RUSC2: variants seen among roughly 807,000 people sequenced by gnomAD.
RUSC2 encodes RUN and SH3 domain containing 2.
A neutral mutation model predicts 122.2 loss-of-function variants in RUSC2; 34 were observed. The ratio of observed to expected loss-of-function variants is 0.28; its 90% confidence interval spans 0.21 to 0.37. The LOEUF (loss-of-function observed/expected upper bound fraction) is 0.37, where lower values mean the gene tolerates loss of function less well. RUSC2 is among the 10% of genes least tolerant of loss of function. The pLI is 1.00. For missense variants in RUSC2, 1,747 were observed against 1,952.4 expected, an observed-to-expected ratio of 0.89 and a Z score of 1.98; for synonymous variants, 784 against 790.0, an observed-to-expected ratio of 0.99 and a Z score of 0.13.
intron 1 of RUSC2, among the ~76,000 whole-genome samples, chr9:35,523,977 A>G (rs1478973886): frequency 6.6e-6 from 1 of 152,074 alleles, no homozygotes; most frequent in Non-Finnish European, 1.5e-5. Flanking sequence ...GAAAAGGGAA[A>G]TCTTTATTAT....
intron 1 of RUSC2, among the ~76,000 whole-genome samples, chr9:35,498,883 A>C (rs1010299325): frequency 7.9e-5 from 12 of 152,004 alleles, no homozygotes; most frequent in African/African-American, 2.9e-4. Context: ...AAATGGCAAA[A>C]GTGAACCATT....
chr9:35,555,849 C>T lies in RUSC2; in HGVS notation c.2657-103C>T. Reference sequence around the variant, plus strand: ...CCTCAGCATCTGTAGATAATATCCACAGATAATCTAGTGTTTCATATGGGC... The same window carrying T: ...CCTCAGCATCTGTAGATAATATCCATAGATAATCTAGTGTTTCATATGGGC... On this transcript the variant is annotated intron_variant, in intron 3 of 11. Transcript: ENST00000361226. The surrounding 1 kb of genome is among the most constrained non-coding windows in gnomAD (Gnocchi z 4.6). The T allele has an allele frequency of 6.8e-7, 1 of 1,480,928 alleles. No homozygotes were observed. Among genetic ancestry groups the T allele is most frequent in the African/African-American group, 1.4e-5 (1 of 71,260 alleles). 91.7% of individuals were successfully genotyped at this position (1,480,928 alleles called of 1,614,324 possible).
Position 35,560,854 on chromosome 9 carries a change from G to T in RUSC2, c.4211+3G>T. On this transcript the variant is annotated splice_donor_region_variant and intron_variant, in intron 10 of 11. Coordinates refer to ENST00000361226, the MANE Select transcript of RUSC2 (RefSeq NM_014806.5). ...CGGGAGGCCCGGCCCACAAATAGGTGAGAGCCTGCCCATGGTAGGGATGGA... is the reference window on the plus strand; with the variant it reads ...CGGGAGGCCCGGCCCACAAATAGGTTAGAGCCTGCCCATGGTAGGGATGGA... 6.5e-7 allele frequency: 1 copy of T among 1,545,098 alleles called. No homozygotes were observed. The highest frequency in any genetic ancestry group is 8.7e-7 in the Non-Finnish European group (1 of 1,147,956).
At chr9:35,523,733 T>C (rs1821265466) in intron 1 of RUSC2, among the ~76,000 whole-genome samples, 1 of 151,854 alleles carries the variant, frequency 6.6e-6, no homozygotes, top group Admixed American at 6.6e-5. Context: ...AAGGATGGCT[T>C]GAGTCCAGGA....
Position 35,546,390 on chromosome 9 carries a change from G to T in RUSC2, c.-92-40G>T. 5.4e-6 allele frequency: 3 copies of T among 556,608 alleles called. No individual in the cohort carries two copies. The highest frequency in any genetic ancestry group is 8.4e-6 in the Non-Finnish European group (3 of 358,964). 34.5% of individuals were successfully genotyped at this position (556,608 alleles called of 1,614,324 possible). Reference sequence around the variant, plus strand: ...GAAGGGCATGCCCCTGACTTCCAGGGAGGTGACATTAGGTTCCCTTTCTTT... The same window carrying T: ...GAAGGGCATGCCCCTGACTTCCAGGTAGGTGACATTAGGTTCCCTTTCTTT... On this transcript the variant is annotated intron_variant, in intron 1 of 11. Coordinates refer to ENST00000361226, the MANE Select transcript of RUSC2 (RefSeq NM_014806.5). The surrounding 1 kb of genome is among the most constrained non-coding windows in gnomAD (Gnocchi z 4.3).
At chr9:35,495,716 G>C (rs1226398300) in intron 1 of RUSC2, among the ~76,000 whole-genome samples, 1 of 152,056 alleles carries the variant, frequency 6.6e-6, no homozygotes, top group Non-Finnish European at 1.5e-5. Context: ...AACATTGTTG[G>C]GATTTTGATA....
chr9:35,493,344 A>G (rs1029937118), intron 1 of RUSC2, among the ~76,000 whole-genome samples: 2 of 152,124 alleles, frequency 1.3e-5, no homozygotes, highest in Admixed American at 6.6e-5. Flanking sequence ...ATAGTATTCC[A>G]TGGTGTATAT....
rs759817377 is a variant in RUSC2 at position 35,560,715 on chromosome 9, A to C, written c.4075A>C (p.Ser1359Arg). 1 of 1,551,940 alleles carries C rather than the reference A, an allele frequency of 6.4e-7. No homozygotes were observed. The highest frequency in any genetic ancestry group is 1.2e-5 in the South Asian group (1 of 83,550). ...CTCTGTGCTGGCCGAGCTGAGGCGC[A>C]GTCGGGAGAGGGAAGGGCCCGCTGC... The part of the protein sequence containing the change: ...PDSVLAELRR[S>R]REREGPAASP... The change falls in exon 10 of 12, where the codon AGT becomes CGT. Residue 1359 changes from serine (S) to arginine (R), a missense_variant. Coordinates refer to ENST00000361226, the MANE Select transcript of RUSC2 (RefSeq NM_014806.5).
chr9:35,496,388 T>C (rs752487432), intron 1 of RUSC2, among the ~76,000 whole-genome samples: 15 of 152,274 alleles, frequency 9.9e-5, no homozygotes, highest in South Asian at 6.2e-4. Context: ...AAATCTTCTT[T>C]TGTTTCTACA....
intron 1 of RUSC2, among the ~76,000 whole-genome samples, chr9:35,491,097 T>TAA (rs11308191): frequency 1.1e-4 from 16 of 142,558 alleles, no homozygotes; most frequent in Admixed American, 4.2e-4. Context: ...ACACAGGCCT[T>TAA]AAAAAAAAAA....
intron 1 of RUSC2, among the ~76,000 whole-genome samples, chr9:35,543,462 G>A (rs1472037030): frequency 6.6e-6 from 1 of 151,960 alleles, no homozygotes; most frequent in Non-Finnish European, 1.5e-5. Context: ...CATAAAATGG[G>A]TATTTATTAC....
intron 1 of RUSC2, among the ~76,000 whole-genome samples, chr9:35,508,908 A>G (rs1015723089): frequency 6.6e-6 from 1 of 152,232 alleles, no homozygotes; most frequent in Non-Finnish European, 1.5e-5. Flanking sequence ...CTACAAATTG[A>G]AAGAGTCCAC....
chr9:35,531,344 A>T (rs537109937), intron 1 of RUSC2, among the ~76,000 whole-genome samples: 11 of 152,324 alleles, frequency 7.2e-5, no homozygotes, highest in Non-Finnish European at 1.3e-4. Flanking sequence ...TGCTGAAGGA[A>T]GTTGAGGAGA....
intron 1 of RUSC2, among the ~76,000 whole-genome samples, chr9:35,494,546 A>G (rs1439333716): frequency 6.6e-6 from 1 of 152,124 alleles, no homozygotes; most frequent in Non-Finnish European, 1.5e-5. Context: ...TAATGAAAAG[A>G]TATCGAGCAT....
chr9:35,550,853 G>T (rs1394865288), intron 2 of RUSC2, among the ~76,000 whole-genome samples: 1 of 151,472 alleles, frequency 6.6e-6, no homozygotes, highest in Non-Finnish European at 1.5e-5. Context: ...AGGTGCGCGG[G>T]TCACCTGAGG....
chr9:35,496,380 A>G (rs1225186606), intron 1 of RUSC2, among the ~76,000 whole-genome samples: 2 of 152,154 alleles, frequency 1.3e-5, no homozygotes, highest in Non-Finnish European at 2.9e-5. Context: ...GGTGCATTAA[A>G]TCTTCTTTTG....
At chr9:35,518,080 G>A (rs777493939) in intron 1 of RUSC2, among the ~76,000 whole-genome samples, 4 of 152,330 alleles carry the variant, frequency 2.6e-5, no homozygotes, top group Non-Finnish European at 5.9e-5. Context: ...ATGGAGCTAA[G>A]ATCAAACTCC....
intron 2 of RUSC2, chr9:35,549,266 A>AACAC: frequency 1.1e-6 from 1 of 947,060 alleles, no homozygotes; most frequent in Non-Finnish European, 1.3e-6. Context: ...TAACAACAAC[A>AACAC]ACACACACAC....
chr9:35,538,416 C>G lies in RUSC2; in HGVS notation c.-92-8014C>G, dbSNP rs116478759. On this transcript the variant is annotated intron_variant, in intron 1 of 11. Coordinates refer to ENST00000361226, the MANE Select transcript of RUSC2 (RefSeq NM_014806.5). ...CGAGTTACTGCTGGCAGAATGGTGA[C>G]TGGTCCCTGCAGCCTCCCTTCTGGG... 3.5e-3 allele frequency among the ~76,000 whole-genome samples: 528 copies of G among 152,296 alleles called. 1 individual carries two copies. Among genetic ancestry groups the G allele is most frequent in the African/African-American group, 0.012 (512 of 41,560 alleles).
Sources: allele counts gnomAD v4.1 joint callset (sites outside exome capture counted in the v4.1 genomes callset), GRCh38; gene constraint gnomAD v4.1.1; non-coding constraint Gnocchi (gnomAD v3.1); transcripts MANE v1.5; gene names NCBI Gene and HGNC (gene_info 2026-07-23, HGNC 2026-07-21).